Variants in KCNIP4 observed in about 807,000 individuals in gnomAD.
KCNIP4 encodes Kv channel-interacting protein 4.
Under a neutral mutation model 34.0 loss-of-function variants are expected in KCNIP4, and 12 were observed. The ratio of observed to expected loss-of-function variants is 0.35; its 90% CI spans 0.23 to 0.57. The LOEUF (loss-of-function observed/expected upper bound fraction) is 0.57. Among genes scored for constraint, KCNIP4 ranks in the 20% least tolerant of loss-of-function variants. The probability of loss-of-function intolerance (pLI) is 0.83; values close to 1 mark genes in which losing one functional copy is unlikely to be tolerated. For synonymous variants in KCNIP4, 124 were observed against 102.2 expected, an observed-to-expected ratio of 1.21 and a Z score of -1.29; for missense variants, 238 against 311.7, an observed-to-expected ratio of 0.76 and a Z score of 1.78.
At chr4:20,778,155 A>G (rs1282989882) in intron 3 of KCNIP4, among the ~76,000 whole-genome samples, 1 of 152,200 alleles carries the variant, frequency 6.6e-6, no homozygotes, top group African/African-American at 2.4e-5. Flanking sequence ...TGTTAGTAGC[A>G]TAGACTCTGA....
intron 1 of KCNIP4, among the ~76,000 whole-genome samples, chr4:21,032,539 G>A (rs1385610275): frequency 6.6e-6 from 1 of 152,022 alleles, no homozygotes; most frequent in African/African-American, 2.4e-5. Flanking sequence ...ATATTTCTTT[G>A]TATAAACTTT....
intron 1 of KCNIP4, among the ~76,000 whole-genome samples, chr4:21,576,524 A>C (rs574564994): frequency 1.3e-5 from 2 of 152,188 alleles, no homozygotes; most frequent in South Asian, 4.1e-4. Flanking sequence ...CTGACTAAAA[A>C]TCAATGCCCT....
intron 1 of KCNIP4, among the ~76,000 whole-genome samples, chr4:21,711,815 T>C (rs777791547): frequency 2.6e-4 from 39 of 152,308 alleles, no homozygotes; most frequent in African/African-American, 9.1e-4. Context: ...TTATTCTCTA[T>C]GGGAAAGGCA....
At chr4:21,220,336 G>A (rs1317760934) in intron 1 of KCNIP4, among the ~76,000 whole-genome samples, 2 of 152,040 alleles carry the variant, frequency 1.3e-5, no homozygotes, top group East Asian at 3.9e-4. Context: ...TAAATTCAGG[G>A]CAATAAGAAC....
chr4:21,347,728 C>G (rs546385072), intron 1 of KCNIP4, among the ~76,000 whole-genome samples: 15 of 152,200 alleles, frequency 9.9e-5, no homozygotes, highest in Non-Finnish European at 2.1e-4. Flanking sequence ...GCAGCAGCAT[C>G]TTTTTGTAAT....
At chr4:21,061,945 T>G (rs923513579) in intron 1 of KCNIP4, among the ~76,000 whole-genome samples, 1 of 152,152 alleles carries the variant, frequency 6.6e-6, no homozygotes, top group Non-Finnish European at 1.5e-5. Flanking sequence ...CAGATGGCCA[T>G]CTACAAGCCA....
intron 1 of KCNIP4, among the ~76,000 whole-genome samples, chr4:21,677,489 G>A (rs552257431): frequency 6.6e-6 from 1 of 152,216 alleles, no homozygotes; most frequent in East Asian, 1.9e-4. Flanking sequence ...AGTACCTCTT[G>A]AATCTACCAT....
chr4:20,905,509 C>A (rs55786220), intron 1 of KCNIP4, among the ~76,000 whole-genome samples: 1 of 72,796 alleles, frequency 1.4e-5, no homozygotes, highest in Non-Finnish European at 2.7e-5. Flanking sequence ...CGTTTTCTTT[C>A]TTTTTTTTTT....
At chr4:20,870,431 G>T (rs1723325751) in intron 2 of KCNIP4, among the ~76,000 whole-genome samples, 1 of 152,068 alleles carries the variant, frequency 6.6e-6, no homozygotes, top group Admixed American at 6.6e-5. Flanking sequence ...TACAGCCTGT[G>T]CAACTGTGAG....
chr4:21,621,101 G>T lies in KCNIP4; in HGVS notation c.61+327470C>A, dbSNP rs561489923. ...AATGCCTACAATGGATGTGAAGTGAGCCAAGCAAAAAGCAATAAATAGGGA... is the reference window on the plus strand; with the variant it reads ...AATGCCTACAATGGATGTGAAGTGATCCAAGCAAAAAGCAATAAATAGGGA... On this transcript the variant is annotated intron_variant, in intron 1 of 8. Transcript: ENST00000382152. 3.9e-5 allele frequency among the ~76,000 whole-genome samples: 6 copies of T among 152,288 alleles called. No individual in the cohort carries two copies. In the South Asian group the frequency reaches 1.2e-3, roughly 32 times the overall value.
chr4:21,836,609 G>A (rs1411596709), intron 1 of KCNIP4, among the ~76,000 whole-genome samples: 3 of 152,146 alleles, frequency 2.0e-5, no homozygotes, highest in African/African-American at 7.2e-5. Flanking sequence ...GTTTTAACAT[G>A]ATGCCTTACT....
Position 20,934,648 on chromosome 4 carries a change from T to C in KCNIP4, c.62-51939A>G, listed in dbSNP as rs1594943. Among the ~76,000 whole-genome samples the C allele has an allele frequency of 7.9e-3, 1,207 of 152,252 alleles. 11 individuals are homozygous for C. The highest frequency in any genetic ancestry group is 0.026 in the African/African-American group (1,068 of 41,550). The stretch of plus-strand genomic sequence containing the variant: ...ACAACAGTGGATTTTTCTAAAAAGA[T>C]AAAAATTTCTATCATCATGGAGCTT... On this transcript the variant is annotated intron_variant, in intron 1 of 8. Transcript: ENST00000382152.
At chr4:21,680,453 T>G (rs1750258427) in intron 1 of KCNIP4, among the ~76,000 whole-genome samples, 1 of 152,226 alleles carries the variant, frequency 6.6e-6, no homozygotes, top group Non-Finnish European at 1.5e-5. Context: ...CAAATGTTGA[T>G]GTTTTGACTT....
chr4:21,733,832 T>C (rs183188024), intron 1 of KCNIP4, among the ~76,000 whole-genome samples: 83 of 152,276 alleles, frequency 5.5e-4, no homozygotes, highest in African/African-American at 1.9e-3. Flanking sequence ...TATTCCCTAC[T>C]TAATAATTCC....
At chr4:21,459,186 A>T (rs1158425745) in intron 1 of KCNIP4, among the ~76,000 whole-genome samples, 2 of 151,998 alleles carry the variant, frequency 1.3e-5, no homozygotes, top group South Asian at 2.1e-4. Flanking sequence ...ACTTTTGAAC[A>T]TGATTCAATC....
chr4:21,322,625 C>T (rs1334145358), intron 1 of KCNIP4, among the ~76,000 whole-genome samples: 1 of 152,040 alleles, frequency 6.6e-6, no homozygotes, highest in East Asian at 1.9e-4. Context: ...CTTCCTGCTT[C>T]GTTCTTCTAC....
chr4:21,677,357 A>G (rs1749991847), intron 1 of KCNIP4, among the ~76,000 whole-genome samples: 1 of 152,198 alleles, frequency 6.6e-6, no homozygotes, highest in African/African-American at 2.4e-5. Flanking sequence ...GTTGTTTGAA[A>G]ACTGCTATAT....
At chr4:21,026,787 A>T (rs1428263320) in intron 1 of KCNIP4, among the ~76,000 whole-genome samples, 1 of 152,208 alleles carries the variant, frequency 6.6e-6, no homozygotes, top group Non-Finnish European at 1.5e-5. Context: ...CAGTTAGGTG[A>T]AAACTGGGTA....
chr4:21,304,059 GAGAGAGAGAC>G lies in KCNIP4; in HGVS notation c.62-421360_62-421351del, dbSNP rs1161358375. The G allele has an allele frequency of 2.8e-3, 1,377 of 498,430 alleles. 25 individuals are homozygous for G. The Admixed American group carries it at 0.032, about 12-fold the overall frequency. 30.9% of individuals were successfully genotyped at this position (498,430 alleles called of 1,614,324 possible). A position where few individuals can be genotyped will look rare whatever the true frequency, so the allele number is the denominator to read the frequency against. ...AGAGAGAGAGAGAGAGAGAGAGAGA[GAGAGAGAGAC>G]AGAGAGAGAGAGAGAGACAGAGAGA... On this transcript the variant is annotated intron_variant, in intron 1 of 8. Transcript: ENST00000382152.
Sources: allele counts gnomAD v4.1 joint callset (sites outside exome capture counted in the v4.1 genomes callset), GRCh38; gene constraint gnomAD v4.1.1; transcripts MANE v1.5; gene names NCBI Gene and HGNC (gene_info 2026-07-23, HGNC 2026-07-21).